Variants in DNAJC9 observed in about 807,000 individuals in gnomAD.
DNAJC9 encodes the protein DnaJ heat shock protein family (Hsp40) member C9.
Under a neutral mutation model 32.4 loss-of-function variants are expected in DNAJC9, and 18 were observed. The ratio of observed to expected loss-of-function variants is 0.56; its 90% CI spans 0.38 to 0.82. The LOEUF (loss-of-function observed/expected upper bound fraction) is 0.82. DNAJC9 is among the 40% of genes least tolerant of loss of function. The pLI, the probability that DNAJC9 is intolerant of heterozygous loss-of-function variation, is 0.00. For missense variants in DNAJC9, 310 were observed against 321.8 expected, an observed-to-expected ratio of 0.96 and a Z score of 0.28; for synonymous variants, 113 against 122.1, an observed-to-expected ratio of 0.93 and a Z score of 0.49.
At chr10:73,246,530 G>A (rs2044012225) in intron 2 of DNAJC9, among the ~76,000 whole-genome samples, 158 bp downstream of exon 2, 1 of 152,118 alleles carries the variant, frequency 6.6e-6, no homozygotes, top group Non-Finnish European at 1.5e-5. Flanking sequence ...TTTAAAGCCC[G>A]TTTCAGTAAG....
chr10:73,234,066 T>C (rs568720118), downstream of DNAJC9: 1 of 152,366 alleles, frequency 6.6e-6, no homozygotes, highest in Admixed American at 6.5e-5. Context: ...TAGAATTCTT[T>C]TAGCTGTTGA....
chr10:73,246,816 C>T lies in DNAJC9; in HGVS notation c.193G>A (p.Val65Ile), dbSNP rs1385015338. Residue 65 changes from valine (V) to isoleucine (I), a missense_variant, in exon 2 of 5, where the codon GTC becomes ATC. By Grantham distance (29) the Val-to-Ile change is conservative. Coordinates refer to ENST00000372950, the MANE Select transcript of DNAJC9 (RefSeq NM_015190.5). Reference protein sequence around the residue: ...ATRRFQILGKVYSVLSDREQR... With the variant: ...ATRRFQILGKIYSVLSDREQR... The stretch of plus-strand genomic sequence containing the variant: ...TCTCTGTCACTGAGAACGGAATAGA[C>T]TTTTCCCAGGATCTGAGGGCAAAGA... 1 of 1,614,172 alleles carries T rather than the reference C, an allele frequency of 6.2e-7. No individual in the cohort carries two copies. Among genetic ancestry groups the T allele is most frequent in the South Asian group, 1.1e-5 (1 of 91,080 alleles).
At chr10:73,234,576 G>A, downstream of DNAJC9, 1 of 463,640 alleles carries the variant, frequency 2.2e-6, no homozygotes. Flanking sequence ...TTCTGTGGGA[G>A]AGAAAAGGCC....
chr10:73,238,290 T>A (rs2043867784), downstream of DNAJC9, among the ~76,000 whole-genome samples: 2 of 152,290 alleles, frequency 1.3e-5, no homozygotes, highest in South Asian at 4.1e-4. Flanking sequence ...GAGGTTGCAG[T>A]GAGCCGAGAT....
intron 2 of DNAJC9, among the ~76,000 whole-genome samples, chr10:73,232,777 A>G (rs1310841625): frequency 6.6e-6 from 1 of 152,218 alleles, no homozygotes; most frequent in Non-Finnish European, 1.5e-5. Context: ...TGCCTGAGCT[A>G]GAGTACCATC....
chr10:73,233,033 T>G (rs1329585237), intron 2 of DNAJC9: 2 of 1,551,686 alleles, frequency 1.3e-6, no homozygotes, highest in Non-Finnish European at 1.7e-6. Context: ...TAGTACATCA[T>G]CTCTGTCATA....
chr10:73,233,095 G>A (rs951645895), intron 2 of DNAJC9: 8 of 1,551,526 alleles, frequency 5.2e-6, no homozygotes, highest in South Asian at 1.2e-5. Flanking sequence ...CTCTTCATCC[G>A]ATCAGCACGA....
chr10:73,239,652 C>CTT (rs34824883), downstream of DNAJC9, among the ~76,000 whole-genome samples: 5 of 140,558 alleles, frequency 3.6e-5, no homozygotes, highest in Admixed American at 7.1e-5. Context: ...GGTAAACTGC[C>CTT]TTTTTTTTTT....
At chr10:73,241,078 C>A, downstream of DNAJC9, 3 of 970,964 alleles carry the variant, frequency 3.1e-6, no homozygotes, top group South Asian at 2.8e-5. Flanking sequence ...AAGCAGTATT[C>A]AGTCATCAAG....
At position 73,243,382 on chromosome 10, in the gene DNAJC9, T is replaced by C. The variant is rs1432984435; in HGVS notation, c.*18A>G. 6.8e-6 allele frequency: 11 copies of C among 1,612,552 alleles called. No individual in the cohort carries two copies. The East Asian group carries it at 1.6e-4, about 23-fold the overall frequency. On this transcript the variant is annotated 3_prime_UTR_variant, in exon 5 of 5. Transcript: ENST00000372950. ...GGCATCAATTTACACCTAAGGACCTTTGAAGAGAAAAATTCCATTATTTCT... is the reference window on the plus strand; with the variant it reads ...GGCATCAATTTACACCTAAGGACCTCTGAAGAGAAAAATTCCATTATTTCT...
At chr10:73,237,507 C>T (rs1229806455), downstream of DNAJC9, among the ~76,000 whole-genome samples, 3 of 151,992 alleles carry the variant, frequency 2.0e-5, no homozygotes, top group Non-Finnish European at 2.9e-5. Context: ...GCCTCCACCT[C>T]CTCCTGGGTT....
intron 1 of DNAJC9, 86 bp from the exon 2 acceptor site, chr10:73,246,914 G>C (rs112619243): frequency 6.3e-7 from 1 of 1,596,018 alleles, no homozygotes; most frequent in Non-Finnish European, 8.5e-7. Flanking sequence ...GGCGCCAAGC[G>C]GAGCTCAGCG....
chr10:73,243,648 T>C (rs1388911186), intron 4 of DNAJC9, 129 bp from the exon 5 acceptor site: 1 of 1,273,352 alleles, frequency 7.9e-7, no homozygotes, highest in Non-Finnish European at 1.1e-6. Flanking sequence ...ATGGTGAAAA[T>C]GTCCTACAAT....
At chr10:73,233,172 C>T in intron 2 of DNAJC9, 1 of 1,536,970 alleles carries the variant, frequency 6.5e-7, no homozygotes, top group South Asian at 1.2e-5. Context: ...GTGTAGGTTT[C>T]AAAAGCAGAA....
In DNAJC9 at chr10:73,247,039, C is replaced by T. The variant is rs529992991; in HGVS notation, c.151G>A (p.Asp51Asn). Residue 51 changes from aspartate (D) to asparagine (N), a missense_variant, in exon 1 of 5, where the codon GAC becomes AAC. Transcript: ENST00000372950. ...AAGCGGCGGGTGGCGTCCTCCTTGT[C>T]GCCCTCACCCACCCGGTCCGGGTGT... ...QVHPDRVGEG[D>N]KEDATRRFQI... The T allele has an allele frequency of 2.6e-6, 4 of 1,542,762 alleles. No homozygotes were observed. Among genetic ancestry groups the T allele is most frequent in the East Asian group, 2.4e-5 (1 of 42,172 alleles).
Position 73,242,319 on chromosome 10 carries a change from C to G in DNAJC9, c.*1081G>C, listed in dbSNP as rs780518104. 14 of 152,166 alleles carry G rather than the reference C, an allele frequency of 9.2e-5. No individual in the cohort carries two copies. The highest frequency in any genetic ancestry group is 1.3e-4 in the Non-Finnish European group (9 of 68,028). 9.4% of individuals were successfully genotyped at this position (152,166 alleles called of 1,614,324 possible). ...AATTCCATATATTCTCATACCAACT[C>G]ATCTACATAGAAATGAAAATCTCTA... is the stretch of plus-strand genomic sequence containing the variant. On this transcript the variant is annotated 3_prime_UTR_variant, in exon 5 of 5. Coordinates refer to ENST00000372950, the MANE Select transcript of DNAJC9 (RefSeq NM_015190.5).
chr10:73,246,347 T>C (rs2044009847), intron 2 of DNAJC9, among the ~76,000 whole-genome samples, 171 bp from the exon 3 acceptor site: 1 of 145,532 alleles, frequency 6.9e-6, no homozygotes, highest in African/African-American at 2.7e-5. Context: ...CCTTTTTAAA[T>C]CCAATCTTCA....
intron 3 of DNAJC9, 50 bp downstream of exon 3, chr10:73,245,872 T>C: frequency 6.3e-7 from 1 of 1,595,958 alleles, no homozygotes; most frequent in Non-Finnish European, 8.5e-7. Flanking sequence ...TACTCTCAAA[T>C]CCTTTTTGGA....
At chr10:73,237,704 G>A (rs533921606), downstream of DNAJC9, among the ~76,000 whole-genome samples, 12 of 152,102 alleles carry the variant, frequency 7.9e-5, no homozygotes, top group Non-Finnish European at 1.6e-4. Flanking sequence ...TTACAGGCGT[G>A]AGCCACCGCT....
Sources: allele counts gnomAD v4.1 joint callset (sites outside exome capture counted in the v4.1 genomes callset), GRCh38; gene constraint gnomAD v4.1.1; transcripts MANE v1.5; gene names NCBI Gene and HGNC (gene_info 2026-07-23, HGNC 2026-07-21).